Variants in ADAD2 observed in about 807,000 individuals in gnomAD.
The protein encoded by ADAD2 is adenosine deaminase domain-containing protein 2.
Under a neutral mutation model 54.5 loss-of-function variants are expected in ADAD2, and 60 were observed. That is an observed-to-expected ratio of 1.10 (90% CI 0.89 to 1.36). The LOEUF (loss-of-function observed/expected upper bound fraction) is 1.36, where lower values mean the gene tolerates loss of function less well. Among genes scored for constraint, ADAD2 ranks in the 40% most tolerant of loss-of-function variants. The probability of loss-of-function intolerance (pLI) is 0.00; values close to 1 mark genes in which losing one functional copy is unlikely to be tolerated. For synonymous variants in ADAD2, 543 were observed against 366.2 expected (o/e 1.48, Z -5.51); for missense variants, 1,103 against 801.3 (o/e 1.38, Z -4.54).
At chr16:84,196,563 A>T in intron 8 of ADAD2, 84 bp from the exon 9 acceptor site, 1 of 1,571,424 alleles carries the variant, frequency 6.4e-7, no homozygotes, top group Non-Finnish European at 8.7e-7. Flanking sequence ...TCACAGTGTG[A>T]GAGGAGGTAG....
In ADAD2 at chr16:84,195,574, A is replaced by C; in HGVS notation, c.929A>C (p.Lys310Thr). 6.2e-7 allele frequency: 1 copy of C among 1,601,282 alleles called. No homozygotes were observed. Among genetic ancestry groups the C allele is most frequent in the Non-Finnish European group, 8.5e-7 (1 of 1,174,122 alleles). ...CTGCTGGCCACACAGGGGGGCCCCA[A>C]GGGCAAGGAGCAGTCCGTGCTGGCC... is the stretch of plus-strand genomic sequence containing the variant. ...QLLLATQGGP[K>T]GKEQSVLAPQ... The change falls in exon 6 of 10, where the codon AAG becomes ACG. Residue 310 changes from lysine to threonine, a missense_variant. Coordinates refer to ENST00000315906, the MANE Select transcript of ADAD2 (RefSeq NM_001145400.2).
rs1462039316 is a variant in ADAD2, at chr16:84,196,305, C to T, written c.1461C>T (p.Leu487=). 6.2e-7 allele frequency: 1 copy of T among 1,612,996 alleles called. No homozygotes were observed. Among genetic ancestry groups the T allele is most frequent in the Non-Finnish European group, 8.5e-7 (1 of 1,179,988 alleles). Reference sequence around the variant, plus strand: ...CTGACACCTGCCGTGGCCTGAGCCTCAACTGGAGCCTGGGGGACCCTGGCA... The same window carrying T: ...CTGACACCTGCCGTGGCCTGAGCCTTAACTGGAGCCTGGGGGACCCTGGCA... ...PTPDTCRGLS[L]NWSLGDPGIE... is the part of the protein sequence containing the mutation. The change falls in exon 8 of 10, where the codon CTC becomes CTT. Residue 487 remains leucine (L), a synonymous_variant. Coordinates refer to ENST00000315906, the MANE Select transcript of ADAD2 (RefSeq NM_001145400.2).
rs772470445 is a variant in ADAD2 at position 84,195,564 on chromosome 16, G to C, written c.919G>C (p.Gly307Arg). The C allele has an allele frequency of 2.5e-6, 4 of 1,600,630 alleles. No individual in the cohort carries two copies. The highest frequency in any genetic ancestry group is 1.1e-5 in the South Asian group (1 of 89,318). The change falls in exon 6 of 10, where the codon GGG (glycine) becomes CGG (arginine). Residue 307 changes from glycine (G) to arginine (R), a missense_variant. By Grantham distance (125) the Gly-to-Arg change is moderately radical. Transcript: ENST00000315906. Reference sequence around the variant, plus strand: ...CCGGCAGCTCCTGCTGGCCACACAGGGGGGCCCCAAGGGCAAGGAGCAGTC... The same window carrying C: ...CCGGCAGCTCCTGCTGGCCACACAGCGGGGCCCCAAGGGCAAGGAGCAGTC... ...LFRQLLLATQ[G>R]GPKGKEQSVL... is the part of the protein sequence containing the mutation.
chr16:84,197,013 G>A lies in ADAD2; in HGVS notation c.*39G>A, dbSNP rs747008341. 3 of 1,549,664 alleles carry A rather than the reference G, an allele frequency of 1.9e-6. No homozygotes were observed. Among genetic ancestry groups the A allele is most frequent in the East Asian group, 2.4e-5 (1 of 41,978 alleles). On this transcript the variant is annotated 3_prime_UTR_variant, in exon 10 of 10. Transcript: ENST00000315906. ...GGGACCGAGGTCCCGGAGCCAAGCT[G>A]TACCCCTGCTGGGGGAGTGCCCTAT...
At chr16:84,194,703 C>T (rs1009801030) in intron 2 of ADAD2, 121 bp downstream of exon 2, 2 of 1,483,958 alleles carry the variant, frequency 1.3e-6, no homozygotes, top group Admixed American at 2.0e-5. Context: ...GCTGTACAAA[C>T]CATCTGAGCA....
chr16:84,195,709 CCCCGGGGCAGGCGGGGGATGGGGCT>C lies in ADAD2; in HGVS notation c.1052+16_1052+40del. 1 of 1,534,832 alleles carries C rather than the reference CCCCGGGGCAGGCGGGGGATGGGGCT, an allele frequency of 6.5e-7. No individual in the cohort carries two copies. Among genetic ancestry groups the C allele is most frequent in the Non-Finnish European group, 8.8e-7 (1 of 1,142,730 alleles). On this transcript the variant is annotated intron_variant, in intron 6 of 9. Transcript: ENST00000315906. The stretch of plus-strand genomic sequence containing the variant: ...GCCCGTGACATCTAGTATGCAGGGC[CCCCGGGGCAGGCGGGGGATGGGGCT>C]CCCTCGGTTGGGCTGCTGGGTGGGG...
chr16:84,195,235 G>T (rs773144861), intron 4 of ADAD2, 41 bp downstream of exon 4: 1 of 1,610,360 alleles, frequency 6.2e-7, no homozygotes, highest in Non-Finnish European at 8.5e-7. Flanking sequence ...CCGGCCCCCT[G>T]GGAAGGGCCC....
rs2089655312 is a variant in ADAD2, at chr16:84,191,588, C to G, written c.358C>G (p.Leu120Val). ...ACCTGCCAGCCAGGCCGTGTCCTTG[C>G]TCACGGAGTACGCGGCCAGCCTGGG... Reference protein sequence around the residue: ...DPPASQAVSLLTEYAASLGIF... With the variant: ...DPPASQAVSLVTEYAASLGIF... Residue 120 changes from leucine to valine, a missense_variant, in exon 1 of 10, where the codon CTC (leucine) becomes GTC (valine). Physicochemically the swap from Leu to Val is conservative, Grantham distance 32 (BLOSUM62 1). Transcript: ENST00000315906. 1 of 1,550,718 alleles carries G rather than the reference C, an allele frequency of 6.4e-7. No individual in the cohort carries two copies. Among genetic ancestry groups the G allele is most frequent in the Non-Finnish European group, 8.7e-7 (1 of 1,147,426 alleles).
At position 84,195,319 on chromosome 16, in the gene ADAD2, G is replaced by C; in HGVS notation, c.757G>C (p.Val253Leu). 1 of 1,610,630 alleles carries C rather than the reference G, an allele frequency of 6.2e-7. No individual in the cohort carries two copies. The highest frequency in any genetic ancestry group is 8.5e-7 in the Non-Finnish European group (1 of 1,179,694). The change falls in exon 5 of 10, where the codon GTG becomes CTG. Residue 253 changes from valine to leucine, a missense_variant. Val to Leu is a conservative substitution (Grantham distance 32, BLOSUM62 1). Coordinates refer to ENST00000315906, the MANE Select transcript of ADAD2 (RefSeq NM_001145400.2). Reference protein sequence around the residue: ...EREIPRARGHVKEIYKLVALG... With the variant: ...EREIPRARGHLKEIYKLVALG... Reference sequence around the variant, plus strand: ...AGAGATCCCGCGTGCCAGGGGCCACGTGAAGGAGATCTACAAGCTGGTGGC... The same window carrying C: ...AGAGATCCCGCGTGCCAGGGGCCACCTGAAGGAGATCTACAAGCTGGTGGC...
At chr16:84,193,936 G>A (rs1567612035) in intron 1 of ADAD2, 5 of 1,421,764 alleles carry the variant, frequency 3.5e-6, no homozygotes, top group Middle Eastern at 3.7e-4. Flanking sequence ...TTGACCATGT[G>A]ATCCCAGTTC....
In ADAD2 at chr16:84,197,019, C is replaced by A; in HGVS notation, c.*45C>A. 1 of 1,539,378 alleles carries A rather than the reference C, an allele frequency of 6.5e-7. No homozygotes were observed. The highest frequency in any genetic ancestry group is 1.2e-5 in the South Asian group (1 of 83,920). On this transcript the variant is annotated 3_prime_UTR_variant, in exon 10 of 10. Transcript: ENST00000315906. ...GAGGTCCCGGAGCCAAGCTGTACCCCTGCTGGGGGAGTGCCCTATCTGAGG... is the reference window on the plus strand; with the variant it reads ...GAGGTCCCGGAGCCAAGCTGTACCCATGCTGGGGGAGTGCCCTATCTGAGG...
At position 84,194,547 on chromosome 16, in the gene ADAD2, C is replaced by T. The variant is rs1470162944; in HGVS notation, c.524C>T (p.Ala175Val). The T allele has an allele frequency of 6.2e-7, 1 of 1,609,168 alleles. No individual in the cohort carries two copies. The highest frequency in any genetic ancestry group is 8.5e-7 in the Non-Finnish European group (1 of 1,177,986). Residue 175 changes from alanine (A) to valine (V), a missense_variant, in exon 2 of 10, where the codon GCC becomes GTC. Ala to Val is a moderately conservative substitution (Grantham distance 64). Transcript: ENST00000315906. The stretch of plus-strand genomic sequence containing the variant: ...GCCAAACAGCAGGCAGCGCTCTCTG[C>T]CCTCTGCTACATCCGGAGTCAGCTG... ...TEAKQQAALS[A>V]LCYIRSQLEN...
chr16:84,192,969 C>G (rs1360510136), intron 1 of ADAD2: 3 of 151,780 alleles, frequency 2.0e-5, no homozygotes, highest in African/African-American at 4.8e-5. Flanking sequence ...CTCAGCCTCC[C>G]GAGTAGCTGG....
rs1432826198 is a variant in ADAD2, at chr16:84,191,165, T to C, written c.-66T>C. 7.1e-6 allele frequency: 11 copies of C among 1,551,988 alleles called. No homozygotes were observed. The African/African-American group carries it at 1.5e-4, about 21-fold the overall frequency. On this transcript the variant is annotated 5_prime_UTR_variant, in exon 1 of 10. Coordinates refer to ENST00000315906, the MANE Select transcript of ADAD2 (RefSeq NM_001145400.2). Reference sequence around the variant, plus strand: ...GCTCCCCACGTGAAGGCACCCGCCCTGCGCGTGTGAAAGGGCGAGAGCAGC... The same window carrying C: ...GCTCCCCACGTGAAGGCACCCGCCCCGCGCGTGTGAAAGGGCGAGAGCAGC...
At chr16:84,194,240 C>A in intron 1 of ADAD2, 1 of 1,555,314 alleles carries the variant, frequency 6.4e-7, no homozygotes. Context: ...TTGGTTGAAT[C>A]AGCGATGGGT....
chr16:84,194,898 C>A (rs1257411337), intron 2 of ADAD2, 35 bp from the exon 3 acceptor site: 2 of 1,576,540 alleles, frequency 1.3e-6, no homozygotes, highest in Middle Eastern at 1.7e-4. Context: ...TGGGCCTTGG[C>A]ACCCACACCA....
At position 84,191,368 on chromosome 16, in the gene ADAD2, G is replaced by C. The variant is rs747474939; in HGVS notation, c.138G>C (p.Ala46=). The C allele has an allele frequency of 1.3e-6, 2 of 1,530,036 alleles. No individual in the cohort carries two copies. The highest frequency in any genetic ancestry group is 2.0e-4 in the Middle Eastern group (1 of 5,102). The allele number at this position is 1,530,036 out of a possible 1,614,324, so 94.8% of individuals were successfully genotyped here. ...PAQAQSAWGP[A]PAPATYRAEG... ...AGGCCCAAAGTGCCTGGGGGCCCGCGCCCGCGCCCGCGACGTATCGCGCGG... is the reference window on the plus strand; with the variant it reads ...AGGCCCAAAGTGCCTGGGGGCCCGCCCCCGCGCCCGCGACGTATCGCGCGG... Residue 46 remains alanine (A), a synonymous_variant, in exon 1 of 10, where the codon GCG becomes GCC. Coordinates refer to ENST00000315906, the MANE Select transcript of ADAD2 (RefSeq NM_001145400.2).
chr16:84,194,619 G>T (rs781013223), intron 2 of ADAD2, 37 bp downstream of exon 2: 2 of 1,580,102 alleles, frequency 1.3e-6, no homozygotes, highest in East Asian at 2.3e-5. Flanking sequence ...AGCCGCAGCT[G>T]GGGACAAGAG....
chr16:84,196,309 T>C lies in ADAD2; in HGVS notation c.1465T>C (p.Trp489Arg). ...PDTCRGLSLNWSLGDPGIEVV... is the reference protein window; with the variant it reads ...PDTCRGLSLNRSLGDPGIEVV... ...CACCTGCCGTGGCCTGAGCCTCAAC[T>C]GGAGCCTGGGGGACCCTGGCATCGA... The change falls in exon 8 of 10, where the codon TGG becomes CGG. Residue 489 changes from tryptophan (W) to arginine (R), a missense_variant. Trp to Arg is a moderately radical substitution (Grantham distance 101, BLOSUM62 -3). Transcript: ENST00000315906. The C allele has an allele frequency of 6.2e-7, 1 of 1,612,946 alleles. No homozygotes were observed. Among genetic ancestry groups the C allele is most frequent in the South Asian group, 1.1e-5 (1 of 91,080 alleles).
Sources: allele counts gnomAD v4.1 joint callset, GRCh38; gene constraint gnomAD v4.1.1; transcripts MANE v1.5; gene names NCBI Gene and HGNC (gene_info 2026-07-23, HGNC 2026-07-21).